Variants in NPAS3 observed in about 807,000 individuals in gnomAD.
NPAS3 encodes the protein neuronal PAS domain protein 3.
NPAS3 carries 14 observed loss-of-function variants against 73.1 expected under a neutral mutation model. The observed-to-expected ratio is 0.19, with a 90% confidence interval of 0.13 to 0.30. The LOEUF is 0.30. Among genes scored for constraint, NPAS3 ranks in the 10% least tolerant of loss-of-function variants. NPAS3 has a pLI of 1.00. For missense variants in NPAS3, 1,096 were observed against 1,250.0 expected, an observed-to-expected ratio of 0.88 and a Z score of 1.86; for synonymous variants, 620 against 541.5, an observed-to-expected ratio of 1.14 and a Z score of -2.01.
intron 4 of NPAS3, among the ~76,000 whole-genome samples, chr14:33,544,819 T>TATAA (rs2054740619): frequency 1.0e-5 from 1 of 96,812 alleles, no homozygotes; most frequent in African/African-American, 6.2e-5. Flanking sequence ...TATGTATATA[T>TATAA]AATATATATG....
chr14:32,946,347 C>T (rs1170291505), intron 1 of NPAS3, among the ~76,000 whole-genome samples: 6 of 65,334 alleles, frequency 9.2e-5, no homozygotes, highest in African/African-American at 1.4e-4. Flanking sequence ...CACACACACG[C>T]GCACACACAC....
chr14:33,724,928 TAAGA>T (rs1157950485), intron 6 of NPAS3, among the ~76,000 whole-genome samples: 2 of 152,032 alleles, frequency 1.3e-5, no homozygotes, highest in African/African-American at 2.4e-5. Flanking sequence ...TCCTAAGAGA[TAAGA>T]AAGTTGAAAG....
chr14:32,998,833 C>A (rs1293531022), intron 1 of NPAS3, among the ~76,000 whole-genome samples: 2 of 152,192 alleles, frequency 1.3e-5, no homozygotes, highest in African/African-American at 4.8e-5. Context: ...GAAGTGCATG[C>A]CCCTGCCTTG....
intron 5 of NPAS3, among the ~76,000 whole-genome samples, chr14:33,565,595 A>C (rs180957486): frequency 3.2e-4 from 49 of 152,302 alleles, no homozygotes; most frequent in African/African-American, 1.2e-3. Context: ...TGCTTGTAGA[A>C]GATATATATA....
intron 2 of NPAS3, among the ~76,000 whole-genome samples, chr14:33,093,097 G>A (rs1385102576): frequency 6.6e-6 from 1 of 151,886 alleles, no homozygotes; most frequent in Non-Finnish European, 1.5e-5. Flanking sequence ...AGCAATGGCA[G>A]CAAAAGCCAA....
At chr14:33,323,035 T>C (rs945925862) in intron 3 of NPAS3, among the ~76,000 whole-genome samples, 1 of 152,168 alleles carries the variant, frequency 6.6e-6, no homozygotes, top group Admixed American at 6.5e-5. Context: ...TACTAAGACA[T>C]AGCTCCTCAA....
chr14:33,300,253 A>G (rs1020595897), intron 3 of NPAS3, among the ~76,000 whole-genome samples: 5 of 152,216 alleles, frequency 3.3e-5, no homozygotes, highest in Non-Finnish European at 7.3e-5. Flanking sequence ...ATTAAAAATC[A>G]TGTTTTAGCT....
In NPAS3 at chr14:33,800,181, G is replaced by T; in HGVS notation, c.1874G>T (p.Gly625Val). Reference sequence around the variant, plus strand: ...CTGTCCAGCGCGTCGAGCCCAGGCGGCCTGGACGCGGGCCTGGTGGAGCCC... The same window carrying T: ...CTGTCCAGCGCGTCGAGCCCAGGCGTCCTGGACGCGGGCCTGGTGGAGCCC... Residue 625 changes from glycine to valine, a missense_variant, in exon 12 of 12, where the codon GGC (glycine) becomes GTC (valine). Physicochemically the swap from Gly to Val is moderately radical, Grantham distance 109. Transcript: ENST00000356141. This position sits in a 1 kb window ranked among gnomAD's most constrained non-coding sequence, Gnocchi z 6.5. 6.2e-7 allele frequency: 1 copy of T among 1,610,566 alleles called. No individual in the cohort carries two copies. The highest frequency in any genetic ancestry group is 1.7e-5 in the Admixed American group (1 of 59,834).
intron 5 of NPAS3, among the ~76,000 whole-genome samples, chr14:33,656,783 C>A (rs1387214565): frequency 2.0e-5 from 3 of 152,158 alleles, no homozygotes; most frequent in African/African-American, 7.2e-5. Context: ...ACTGTAGTCT[C>A]CATGCTGTAC....
intron 9 of NPAS3, among the ~76,000 whole-genome samples, chr14:33,780,117 A>C (rs1352783318): frequency 6.6e-6 from 1 of 152,172 alleles, no homozygotes; most frequent in African/African-American, 2.4e-5. Context: ...TCAGTGTCAG[A>C]ATCTGTATAT....
At chr14:33,015,768 G>T (rs1356562694) in intron 1 of NPAS3, among the ~76,000 whole-genome samples, 1 of 152,130 alleles carries the variant, frequency 6.6e-6, no homozygotes, top group Non-Finnish European at 1.5e-5. Flanking sequence ...AAATGCTAAA[G>T]AAATTACCTA....
chr14:33,545,740 T>G (rs1367919419), intron 4 of NPAS3, among the ~76,000 whole-genome samples: 3 of 152,216 alleles, frequency 2.0e-5, no homozygotes, highest in Non-Finnish European at 4.4e-5. Flanking sequence ...TTAGAGTCCC[T>G]CTGAATCTGA....
intron 3 of NPAS3, among the ~76,000 whole-genome samples, chr14:33,319,452 T>C (rs948303977): frequency 6.6e-6 from 1 of 152,098 alleles, no homozygotes; most frequent in African/African-American, 2.4e-5. Flanking sequence ...AATTGTATAA[T>C]GGCGAGTAAG....
At chr14:33,197,715 A>G (rs1413678331) in intron 2 of NPAS3, among the ~76,000 whole-genome samples, 1 of 152,214 alleles carries the variant, frequency 6.6e-6, no homozygotes, top group Non-Finnish European at 1.5e-5. Flanking sequence ...TTATTCAGTC[A>G]TTCCAAATCT....
chr14:33,256,279 A>G (rs2048777854), intron 3 of NPAS3, among the ~76,000 whole-genome samples: 1 of 152,212 alleles, frequency 6.6e-6, no homozygotes, highest in Admixed American at 6.5e-5. Flanking sequence ...TTTTGACTAT[A>G]GAAATTGATT....
intron 3 of NPAS3, among the ~76,000 whole-genome samples, chr14:33,314,360 C>G (rs2043124599): frequency 6.6e-6 from 1 of 151,932 alleles, no homozygotes; most frequent in Non-Finnish European, 1.5e-5. Context: ...TTCATAGGAG[C>G]TACACAGACT....
At chr14:33,282,764 G>T (rs2041680409) in intron 3 of NPAS3, among the ~76,000 whole-genome samples, 1 of 152,146 alleles carries the variant, frequency 6.6e-6, no homozygotes. Flanking sequence ...TGCAGCTGGG[G>T]GATGGGAAAC....
At chr14:33,566,767 C>A (rs1242352899) in intron 5 of NPAS3, among the ~76,000 whole-genome samples, 1 of 152,112 alleles carries the variant, frequency 6.6e-6, no homozygotes, top group Non-Finnish European at 1.5e-5. Flanking sequence ...TACATAGAAC[C>A]CTTCTGAAAC....
At chr14:33,069,855 A>G (rs1225399688) in intron 2 of NPAS3, among the ~76,000 whole-genome samples, 1 of 152,174 alleles carries the variant, frequency 6.6e-6, no homozygotes, top group Non-Finnish European at 1.5e-5. Flanking sequence ...CTGGTTAATG[A>G]ATGTGAATAA....
Sources: gnomAD v4.1 joint callset for allele counts (sites outside exome capture counted in the v4.1 genomes callset) on GRCh38, gnomAD v4.1.1 for gene constraint, Gnocchi (gnomAD v3.1) non-coding constraint, MANE v1.5 for transcripts, NCBI Gene and HGNC (gene_info 2026-07-23, HGNC 2026-07-21) for gene names.